The following TRAPPC9 variants were observed in gnomAD, a reference collection of about 807,000 sequenced individuals.
TRAPPC9 encodes the protein trafficking protein particle complex subunit 9.
TRAPPC9 carries 83 observed loss-of-function variants against 124.0 expected under a neutral mutation model. The observed-to-expected ratio is 0.67, with a 90% CI of 0.56 to 0.80. The LOEUF (loss-of-function observed/expected upper bound fraction) is 0.80. Ranked by LOEUF, TRAPPC9 falls within the 30% of genes least tolerant of loss-of-function variation. The pLI, the probability that TRAPPC9 is intolerant of heterozygous loss-of-function variation, is 0.00. For missense variants in TRAPPC9, 1,302 were observed against 1,508.3 expected (o/e 0.86, Z 2.27); for synonymous variants, 638 against 617.5 (o/e 1.03, Z -0.49).
intron 16 of TRAPPC9, among the ~76,000 whole-genome samples, chr8:140,238,753 T>A (rs911893426): frequency 1.3e-5 from 2 of 152,190 alleles, no homozygotes; most frequent in Admixed American, 1.3e-4. Flanking sequence ...GCGCCCCTCT[T>A]GTGACGAGGT....
chr8:140,033,668 T>TTTTTTTTG (rs1563706648), intron 17 of TRAPPC9, among the ~76,000 whole-genome samples: 3 of 71,154 alleles, frequency 4.2e-5, no homozygotes, highest in East Asian at 3.5e-4. Flanking sequence ...GTTTTTTTTT[T>TTTTTTTTG]TTTTTTTTTT....
chr8:139,814,198 G>A (rs1034638907), intron 21 of TRAPPC9, among the ~76,000 whole-genome samples: 7 of 152,206 alleles, frequency 4.6e-5, no homozygotes, highest in African/African-American at 1.4e-4. Context: ...GCGGCCAGGG[G>A]CAGGCTGTGA....
chr8:140,245,100 G>A, intron 16 of TRAPPC9, among the ~76,000 whole-genome samples: 1 of 151,956 alleles, frequency 6.6e-6, no homozygotes, highest in South Asian at 2.1e-4. Context: ...CACCGCGCCT[G>A]GCCTCTTCTT....
intron 5 of TRAPPC9, 121 bp from the exon 6 acceptor site, chr8:140,405,819 G>C: frequency 8.8e-7 from 1 of 1,140,306 alleles, no homozygotes; most frequent in South Asian, 1.3e-5. Flanking sequence ...AATAATGTAA[G>C]TGTTTAGTCT....
chr8:140,306,717 A>G (rs923271801), intron 10 of TRAPPC9, among the ~76,000 whole-genome samples: 2 of 152,220 alleles, frequency 1.3e-5, no homozygotes, highest in Non-Finnish European at 1.5e-5. Context: ...AGCCCTCTGC[A>G]TCAGAAAGTG....
intron 16 of TRAPPC9, among the ~76,000 whole-genome samples, chr8:140,234,377 T>A (rs1012242131): frequency 2.0e-5 from 3 of 152,198 alleles, no homozygotes; most frequent in African/African-American, 7.2e-5. Context: ...ATGTGGCTGG[T>A]GGCTGCCATG....
chr8:140,290,198 A>G (rs1359645360), intron 12 of TRAPPC9, among the ~76,000 whole-genome samples: 8 of 152,186 alleles, frequency 5.3e-5, no homozygotes, highest in Admixed American at 5.2e-4. Context: ...ACACGTGGCA[A>G]GAGCACTCAG....
chr8:140,031,732 T>C (rs1840507718), intron 17 of TRAPPC9, among the ~76,000 whole-genome samples: 1 of 152,248 alleles, frequency 6.6e-6, no homozygotes, highest in African/African-American at 2.4e-5. Context: ...TAATGATGCC[T>C]TCAAGATGCC....
intron 17 of TRAPPC9, among the ~76,000 whole-genome samples, chr8:140,214,828 C>T (rs2063151523): frequency 6.6e-6 from 1 of 152,150 alleles, no homozygotes; most frequent in African/African-American, 2.4e-5. Context: ...TTCTGGAAAA[C>T]CTGAGAAACA....
chr8:140,042,919 T>C (rs1841360863), intron 17 of TRAPPC9, among the ~76,000 whole-genome samples: 1 of 152,240 alleles, frequency 6.6e-6, no homozygotes, highest in African/African-American at 2.4e-5. Flanking sequence ...TGGGCAGCCC[T>C]AGGTGAACGG....
At chr8:139,851,338 G>C (rs1192506134) in intron 21 of TRAPPC9, among the ~76,000 whole-genome samples, 1 of 152,134 alleles carries the variant, frequency 6.6e-6, no homozygotes, top group Non-Finnish European at 1.5e-5. Flanking sequence ...CTTTCAACTG[G>C]AATTCAGGAG....
At chr8:140,000,991 A>G (rs1166885278) in intron 18 of TRAPPC9, among the ~76,000 whole-genome samples, 1 of 152,238 alleles carries the variant, frequency 6.6e-6, no homozygotes, top group African/African-American at 2.4e-5. Flanking sequence ...CCAAATGTCC[A>G]TCAATGATAG....
At chr8:140,242,427 A>G (rs1180623719) in intron 16 of TRAPPC9, among the ~76,000 whole-genome samples, 2 of 152,196 alleles carry the variant, frequency 1.3e-5, no homozygotes, top group South Asian at 2.1e-4. Flanking sequence ...TCCAGCGGTG[A>G]GAGAACCATC....
intron 21 of TRAPPC9, among the ~76,000 whole-genome samples, chr8:139,841,735 T>G (rs992026648): frequency 3.3e-5 from 5 of 152,216 alleles, no homozygotes; most frequent in African/African-American, 1.2e-4. Context: ...GGCACCCCCA[T>G]GCTGGGCCCT....
intron 21 of TRAPPC9, among the ~76,000 whole-genome samples, chr8:139,809,375 GGGA>G (rs1824279917): frequency 6.6e-6 from 1 of 152,222 alleles, no homozygotes; most frequent in South Asian, 2.1e-4. Context: ...GTGCTGGAGA[GGGA>G]GGAGACTGCG....
chr8:139,964,650 T>C (rs59638336), intron 19 of TRAPPC9, among the ~76,000 whole-genome samples: 92 of 152,202 alleles, frequency 6.0e-4, no homozygotes, highest in African/African-American at 2.0e-3. Context: ...AGAAAAATCA[T>C]TACAAATATG....
At chr8:139,993,018 T>C (rs923892784) in intron 18 of TRAPPC9, among the ~76,000 whole-genome samples, 1 of 152,086 alleles carries the variant, frequency 6.6e-6, no homozygotes, top group Non-Finnish European at 1.5e-5. Flanking sequence ...TGAGTTACAA[T>C]ACATATAAAA....
intron 17 of TRAPPC9, among the ~76,000 whole-genome samples, chr8:140,164,855 C>T (rs1042819407): frequency 3.3e-5 from 5 of 152,186 alleles, no homozygotes; most frequent in Non-Finnish European, 5.9e-5. Flanking sequence ...GCCTCTCCTG[C>T]CCATACCTAA....
chr8:139,881,987 G>GCCCA (rs1488316353), intron 21 of TRAPPC9, among the ~76,000 whole-genome samples: 1 of 152,192 alleles, frequency 6.6e-6, no homozygotes, highest in Non-Finnish European at 1.5e-5. Flanking sequence ...TCTATGCACT[G>GCCCA]CCCAGTCCCT....
Sources: gnomAD v4.1 joint callset for allele counts (sites outside exome capture counted in the v4.1 genomes callset) on GRCh38, gnomAD v4.1.1 for gene constraint, MANE v1.5 for transcripts, NCBI Gene and HGNC (gene_info 2026-07-23, HGNC 2026-07-21) for gene names.